ATP10A: variants seen among roughly 807,000 people sequenced by gnomAD.
ATP10A encodes the protein ATPase phospholipid transporting 10A (putative), also known as phospholipid-transporting ATPase VA.
Under a neutral mutation model 147.8 loss-of-function variants are expected in ATP10A, and 111 were observed. The ratio of observed to expected loss-of-function variants is 0.75; its 90% confidence interval spans 0.64 to 0.88. The LOEUF is 0.88. Ranked by LOEUF, ATP10A falls within the 40% of genes least tolerant of loss-of-function variation. The probability of loss-of-function intolerance (pLI) is 0.00; values close to 1 mark genes in which losing one functional copy is unlikely to be tolerated. For missense variants in ATP10A, 1,927 were observed against 1,959.0 expected (o/e 0.98, Z 0.31); for synonymous variants, 875 against 841.6 (o/e 1.04, Z -0.69).
chr15:25,722,016 G>A, intron 6 of ATP10A, 107 bp from the exon 7 acceptor site: 1 of 1,239,116 alleles, frequency 8.1e-7, no homozygotes, highest in Non-Finnish European at 1.1e-6. Flanking sequence ...AGAAAGTAGG[G>A]ACTATACTGT....
intron 2 of ATP10A, among the ~76,000 whole-genome samples, chr15:25,765,589 G>C (rs1007144181): frequency 2.6e-5 from 4 of 152,184 alleles, no homozygotes; most frequent in Non-Finnish European, 5.9e-5. Context: ...TCCTGGGCAA[G>C]GAAAAGATCA....
At chr15:25,772,699 AC>A (rs1889399363) in intron 2 of ATP10A, among the ~76,000 whole-genome samples, 1 of 152,076 alleles carries the variant, frequency 6.6e-6, no homozygotes, top group African/African-American at 2.4e-5. Flanking sequence ...GAGTGGAACG[AC>A]CCTGAAGATC....
intron 1 of ATP10A, among the ~76,000 whole-genome samples, chr15:25,807,694 C>A (rs1003079054): frequency 2.0e-5 from 3 of 151,930 alleles, no homozygotes; most frequent in African/African-American, 4.8e-5. Context: ...CCCAGCTACT[C>A]GGGAGTCTGA....
intron 1 of ATP10A, among the ~76,000 whole-genome samples, chr15:25,848,377 C>G (rs1270190151): frequency 6.6e-6 from 1 of 152,132 alleles, no homozygotes; most frequent in African/African-American, 2.4e-5. Context: ...CAACCCCAGT[C>G]TCCTGGTCTC....
At chr15:25,851,318 G>A (rs1274844445) in intron 1 of ATP10A, among the ~76,000 whole-genome samples, 1 of 151,796 alleles carries the variant, frequency 6.6e-6, no homozygotes, top group East Asian at 1.9e-4. Flanking sequence ...CTCTCCATTC[G>A]TGGCCTAGGT....
intron 1 of ATP10A, among the ~76,000 whole-genome samples, chr15:25,833,702 C>T (rs1042316712): frequency 2.6e-5 from 4 of 152,150 alleles, no homozygotes; most frequent in African/African-American, 4.8e-5. Flanking sequence ...TACTCTCAGC[C>T]GGGTGCCGTG....
At chr15:25,802,507 G>A (rs370950020) in intron 1 of ATP10A, among the ~76,000 whole-genome samples, 404 of 152,282 alleles carry the variant, frequency 2.7e-3, no homozygotes, top group African/African-American at 9.0e-3. Flanking sequence ...AACCACACAC[G>A]TTTATGATGT....
intron 1 of ATP10A, among the ~76,000 whole-genome samples, chr15:25,855,589 T>A (rs1431976198): frequency 6.8e-6 from 1 of 146,086 alleles, no homozygotes; most frequent in Non-Finnish European, 1.5e-5. Flanking sequence ...TGCAAACAGC[T>A]AGCATCATAC....
chr15:25,766,887 C>G (rs112380944), intron 2 of ATP10A, among the ~76,000 whole-genome samples: 2,723 of 147,200 alleles, frequency 0.018, 31 homozygotes, highest in Middle Eastern at 0.046. Flanking sequence ...ATACTTTAAA[C>G]TAGTGGAACT....
rs202228602 is a variant in ATP10A at position 25,721,807 on chromosome 15, A to G, written c.1213T>C (p.Ser405Pro). The G allele has an allele frequency of 1.2e-6, 2 of 1,614,154 alleles. No homozygotes were observed. Among genetic ancestry groups the G allele is most frequent in the Non-Finnish European group, 1.7e-6 (2 of 1,180,024 alleles). The change falls in exon 7 of 21, where the codon TCG (serine) becomes CCG (proline). Residue 405 changes from serine to proline, a missense_variant. By Grantham distance (74) the Ser-to-Pro change is moderately conservative. Transcript: ENST00000555815. The stretch of plus-strand genomic sequence containing the variant: ...TTCAGAGCTCGGCACTGCAGCTGCG[A>G]GTCTGTTTCTTCGTCATACAACTGC... The part of the protein sequence containing the change: ...DMQLYDEETD[S>P]QLQCRALNIT...
intron 1 of ATP10A, among the ~76,000 whole-genome samples, chr15:25,816,930 G>T (rs1292087322): frequency 1.3e-5 from 2 of 151,816 alleles, no homozygotes; most frequent in Non-Finnish European, 2.9e-5. Context: ...TACACTCTTG[G>T]CTATAAACGG....
At chr15:25,786,796 T>TTTA (rs1890190073) in intron 1 of ATP10A, among the ~76,000 whole-genome samples, 2 of 148,846 alleles carry the variant, frequency 1.3e-5, no homozygotes, top group South Asian at 4.3e-4. Flanking sequence ...CAGCTAGTTT[T>TTTA]TTTTTTTTTT....
At chr15:25,860,133 G>A (rs1893692567) in intron 1 of ATP10A, among the ~76,000 whole-genome samples, 1 of 152,120 alleles carries the variant, frequency 6.6e-6, no homozygotes, top group African/African-American at 2.4e-5. Flanking sequence ...CAGGTCCTGA[G>A]AGCCAGGGCT....
At chr15:25,808,185 G>C (rs1596929255) in intron 1 of ATP10A, among the ~76,000 whole-genome samples, 1 of 152,134 alleles carries the variant, frequency 6.6e-6, no homozygotes, top group African/African-American at 2.4e-5. Context: ...TGGGTCTAAG[G>C]CTTGTTCTCA....
At chr15:25,777,210 A>G (rs1408959526) in intron 2 of ATP10A, among the ~76,000 whole-genome samples, 1 of 151,890 alleles carries the variant, frequency 6.6e-6, no homozygotes, top group East Asian at 1.9e-4. Context: ...TACCCTGGAC[A>G]TATTCCTGCA....
chr15:25,687,798 T>G lies in ATP10A; in HGVS notation c.3196A>C (p.Lys1066Gln). Residue 1066 changes from lysine to glutamine, a missense_variant, in exon 16 of 21, where the codon AAA becomes CAA. Lys to Gln is a moderately conservative substitution (Grantham distance 53). Transcript: ENST00000555815. ...AAGAGCCTCTCCAGGTATCGGAATTTCGGCACTGCAAAGTCGCTGGCCATC... is the reference window on the plus strand; with the variant it reads ...AAGAGCCTCTCCAGGTATCGGAATTGCGGCACTGCAAAGTCGCTGGCCATC... ...AVMASDFAVP[K>Q]FRYLERLLIL... The G allele has an allele frequency of 6.2e-7, 1 of 1,613,924 alleles. No individual in the cohort carries two copies. The highest frequency in any genetic ancestry group is 2.2e-5 in the East Asian group (1 of 44,816).
intron 3 of ATP10A, among the ~76,000 whole-genome samples, chr15:25,730,736 T>C (rs577379980): frequency 6.6e-6 from 1 of 152,240 alleles, no homozygotes; most frequent in Admixed American, 6.5e-5. Context: ...AGAATTTGCT[T>C]TAAAATAATC....
chr15:25,714,385 T>C, intron 9 of ATP10A, 144 bp from the exon 10 acceptor site: 1 of 704,992 alleles, frequency 1.4e-6, no homozygotes, highest in Non-Finnish European at 2.3e-6. Context: ...AGATTTCCCA[T>C]TTCCCAGATT....
chr15:25,828,624 G>A (rs562508766), intron 1 of ATP10A, among the ~76,000 whole-genome samples: 18 of 152,282 alleles, frequency 1.2e-4, no homozygotes, highest in South Asian at 6.2e-4. Flanking sequence ...CAAAACATAC[G>A]GGATGCAGCT....
Sources: allele counts gnomAD v4.1 joint callset (sites outside exome capture counted in the v4.1 genomes callset), GRCh38; gene constraint gnomAD v4.1.1; transcripts MANE v1.5; gene names NCBI Gene and HGNC (gene_info 2026-07-23, HGNC 2026-07-21).